Variants in ADIPOR1 observed in about 807,000 individuals in gnomAD.
ADIPOR1 encodes the protein adiponectin receptor 1, also known as adiponectin receptor protein 1.
ADIPOR1 carries 15 observed loss-of-function variants against 37.5 expected under a neutral mutation model. That is an observed-to-expected ratio of 0.40 (90% CI 0.27 to 0.62). The LOEUF (loss-of-function observed/expected upper bound fraction) is 0.62. Among genes scored for constraint, ADIPOR1 ranks in the 20% least tolerant of loss-of-function variants. ADIPOR1 has a pLI of 0.42. For missense variants in ADIPOR1, 286 were observed against 478.0 expected (o/e 0.60, Z 3.75); for synonymous variants, 173 against 173.2 (o/e 1.00, Z 0.01).
intron 2 of ADIPOR1, 39 bp downstream of exon 2, chr1:202,950,891 A>C (rs555378285): frequency 6.2e-7 from 1 of 1,613,016 alleles, no homozygotes; most frequent in South Asian, 1.1e-5. Context: ...CTAAGGAGAG[A>C]AACTGAACAA....
At chr1:202,956,073 G>T (rs1310760403) in intron 1 of ADIPOR1, among the ~76,000 whole-genome samples, 1 of 152,262 alleles carries the variant, frequency 6.6e-6, no homozygotes. Context: ...ACTGTGCCCG[G>T]CCTATGCCCC....
In ADIPOR1 at chr1:202,942,231, G is replaced by C; in HGVS notation, c.806-13C>G. On this transcript the variant is annotated splice_polypyrimidine_tract_variant and intron_variant, in intron 6 of 7. Coordinates refer to ENST00000340990, the MANE Select transcript of ADIPOR1 (RefSeq NM_015999.6). The stretch of plus-strand genomic sequence containing the variant: ...CCCAGGAACACGCCTGAACAGAACA[G>C]ACATAAGACTGTCAAACAAGGAAAC... 6.3e-7 allele frequency: 1 copy of C among 1,582,488 alleles called. No individual in the cohort carries two copies. The highest frequency in any genetic ancestry group is 8.6e-7 in the Non-Finnish European group (1 of 1,161,594).
chr1:202,943,711 C>A (rs372051219), intron 6 of ADIPOR1, 47 bp downstream of exon 6: 23 of 1,586,642 alleles, frequency 1.4e-5, no homozygotes, highest in Middle Eastern at 2.3e-4. Flanking sequence ...GCCTATCAGG[C>A]CTAAGGTCTA....
chr1:202,949,243 T>C (rs1277270507), intron 2 of ADIPOR1, among the ~76,000 whole-genome samples: 1 of 151,956 alleles, frequency 6.6e-6, no homozygotes, highest in Non-Finnish European at 1.5e-5. Context: ...GCCTCAGAAC[T>C]GGTTCCATGG....
rs1196445556 is a variant in ADIPOR1, at chr1:202,944,971, C to T, written c.617+12G>A. ...GTGCACAGTATTTTCCTATGGTGTT[C>T]TTTTAACTCACTTGGAAAAAGTCCG... On this transcript the variant is annotated intron_variant, in intron 5 of 7. Transcript: ENST00000340990. 6.2e-7 allele frequency: 1 copy of T among 1,606,948 alleles called. No individual in the cohort carries two copies. The highest frequency in any genetic ancestry group is 2.2e-5 in the East Asian group (1 of 44,840).
In ADIPOR1 at chr1:202,946,472, T is replaced by C; in HGVS notation, c.397A>G (p.Thr133Ala). The change falls in exon 4 of 8, where the codon ACA becomes GCA. Residue 133 changes from threonine to alanine, a missense_variant. Transcript: ENST00000340990. ...TGGGTCCAGATGTTGCCAGTTTCTG[T>C]ATGAATGCGGAAGATGCTCTTGAAG... ...ACFKSIFRIH[T>A]ETGNIWTHLL... 1 of 1,614,032 alleles carries C rather than the reference T, an allele frequency of 6.2e-7. No individual in the cohort carries two copies. Among genetic ancestry groups the C allele is most frequent in the Non-Finnish European group, 8.5e-7 (1 of 1,180,012 alleles).
Position 202,940,904 on chromosome 1 carries a change from A to G in ADIPOR1, c.*669T>C, listed in dbSNP as rs1654053501. On this transcript the variant is annotated 3_prime_UTR_variant, in exon 8 of 8. Coordinates refer to ENST00000340990, the MANE Select transcript of ADIPOR1 (RefSeq NM_015999.6). ...CTTTGCATCAAGATACATAGCAATGATAGCAGGTTTCTTTTTAAAGCTTAG... is the reference window on the plus strand; with the variant it reads ...CTTTGCATCAAGATACATAGCAATGGTAGCAGGTTTCTTTTTAAAGCTTAG... The G allele has an allele frequency of 6.6e-6, 1 of 152,654 alleles. No homozygotes were observed. Among genetic ancestry groups the G allele is most frequent in the African/African-American group, 2.4e-5 (1 of 41,456 alleles). The allele number at this position is 152,654 out of a possible 1,614,324, so 9.5% of individuals were successfully genotyped here.
intron 1 of ADIPOR1, among the ~76,000 whole-genome samples, chr1:202,954,966 C>T (rs1417104315): frequency 6.6e-6 from 1 of 152,116 alleles, no homozygotes; most frequent in South Asian, 2.1e-4. Flanking sequence ...TCTATCCATA[C>T]CTAGCTTGAT....
chr1:202,956,358 A>C (rs1005118428), intron 1 of ADIPOR1, among the ~76,000 whole-genome samples: 2 of 152,216 alleles, frequency 1.3e-5, no homozygotes, highest in African/African-American at 2.4e-5. Context: ...TTCCTATGGG[A>C]ATAGAGAACA....
chr1:202,953,167 C>T (rs188629110), intron 1 of ADIPOR1, among the ~76,000 whole-genome samples: 1 of 150,742 alleles, frequency 6.6e-6, no homozygotes, highest in Non-Finnish European at 1.5e-5. Context: ...AGGCTGACCT[C>T]AAAACATATT....
Position 202,944,982 on chromosome 1 carries a change from C to T in ADIPOR1, c.617+1G>A. ...TTTCCTATGGTGTTCTTTTAACTCA[C>T]TTGGAAAAAGTCCGAGAGACTTTCT... On this transcript the variant is annotated splice_donor_variant, in intron 5 of 7. Coordinates refer to ENST00000340990, the MANE Select transcript of ADIPOR1 (RefSeq NM_015999.6). LOFTEE classifies it high-confidence loss of function. The T allele has an allele frequency of 6.2e-7, 1 of 1,609,254 alleles. No individual in the cohort carries two copies. The highest frequency in any genetic ancestry group is 1.3e-5 in the African/African-American group (1 of 74,572).
chr1:202,948,076 G>C (rs1328692046), intron 3 of ADIPOR1, among the ~76,000 whole-genome samples: 1 of 152,190 alleles, frequency 6.6e-6, no homozygotes, highest in African/African-American at 2.4e-5. Context: ...GGCGCCCCTT[G>C]CATAGAAAAG....
chr1:202,949,795 C>T (rs1654492493), intron 2 of ADIPOR1, among the ~76,000 whole-genome samples: 1 of 152,130 alleles, frequency 6.6e-6, no homozygotes, highest in Non-Finnish European at 1.5e-5. Flanking sequence ...TCTACCCTAA[C>T]ATCCATTCTC....
intron 5 of ADIPOR1, 148 bp from the exon 6 acceptor site, chr1:202,944,093 C>A: frequency 1.5e-6 from 1 of 678,812 alleles, no homozygotes; most frequent in Non-Finnish European, 2.4e-6. Flanking sequence ...ACAATCTATC[C>A]TGTATTCTGG....
chr1:202,945,730 G>T (rs1251665114), intron 4 of ADIPOR1, among the ~76,000 whole-genome samples: 3 of 152,202 alleles, frequency 2.0e-5, no homozygotes, highest in Non-Finnish European at 4.4e-5. Flanking sequence ...TGAAGCTGAA[G>T]GCCACTATTC....
chr1:202,941,933 T>C (rs1571558545), intron 7 of ADIPOR1, 92 bp downstream of exon 7: 1 of 1,369,486 alleles, frequency 7.3e-7, no homozygotes, highest in South Asian at 1.4e-5. Context: ...AAACACTATA[T>C]GATCCCAGTC....
At position 202,945,524 on chromosome 1, in the gene ADIPOR1, A is replaced by G. The variant is rs185095183; in HGVS notation, c.431-355T>C. Among the ~76,000 whole-genome samples, 15 of 152,324 alleles carry G rather than the reference A, an allele frequency of 9.8e-5. No individual in the cohort carries two copies. In the East Asian group the frequency reaches 2.9e-3, roughly 29 times the overall value. On this transcript the variant is annotated intron_variant, in intron 4 of 7. Transcript: ENST00000340990. ...AATCCCACTACCAGGTGTCTACCCA[A>G]AGGAAAAGCAGTCATATGAAAAAGA... is the stretch of plus-strand genomic sequence containing the variant.
Position 202,942,314 on chromosome 1 carries a change from T to C in ADIPOR1, c.806-96A>G. The C allele has an allele frequency of 2.5e-6, 3 of 1,216,056 alleles. 1 individual carries two copies. Among genetic ancestry groups the C allele is most frequent in the Non-Finnish European group, 3.4e-6 (3 of 885,372 alleles). The allele number at this position is 1,216,056 out of a possible 1,614,324, so 75.3% of individuals were successfully genotyped here. Reference sequence around the variant, plus strand: ...CTGGAATTTCAATGTTTATGATAATTAGCTATTTTTGGATGAATAGTACAT... The same window carrying C: ...CTGGAATTTCAATGTTTATGATAATCAGCTATTTTTGGATGAATAGTACAT... On this transcript the variant is annotated intron_variant, in intron 6 of 7. Transcript: ENST00000340990.
chr1:202,946,810 A>G (rs575933518), intron 3 of ADIPOR1, among the ~76,000 whole-genome samples, 200 bp from the exon 4 acceptor site: 4 of 151,792 alleles, frequency 2.6e-5, no homozygotes, highest in East Asian at 3.9e-4. Context: ...TATTTTGACC[A>G]TTAAAAAAAA....
Sources: gnomAD v4.1 joint callset for allele counts (sites outside exome capture counted in the v4.1 genomes callset) on GRCh38, gnomAD v4.1.1 for gene constraint, MANE v1.5 for transcripts, NCBI Gene and HGNC (gene_info 2026-07-23, HGNC 2026-07-21) for gene names.